Variants in NCKAP5 observed in about 807,000 individuals in gnomAD.
The protein encoded by NCKAP5 is NCK associated protein 5.
A neutral mutation model predicts 167.0 loss-of-function variants in NCKAP5; 92 were observed. The ratio of observed to expected loss-of-function variants is 0.55; its 90% confidence interval spans 0.47 to 0.66. The LOEUF is 0.66. Among genes scored for constraint, NCKAP5 ranks in the 30% least tolerant of loss-of-function variants. The pLI is 0.00. For synonymous variants in NCKAP5, 891 were observed against 877.4 expected, an observed-to-expected ratio of 1.02 and a Z score of -0.27; for missense variants, 2,378 against 2,315.0, an observed-to-expected ratio of 1.03 and a Z score of -0.56.
chr2:133,436,380 T>A (rs946472951), intron 3 of NCKAP5, among the ~76,000 whole-genome samples: 2 of 152,166 alleles, frequency 1.3e-5, no homozygotes, highest in African/African-American at 2.4e-5. Flanking sequence ...GACTCACACA[T>A]CTAGCTCATC....
intron 8 of NCKAP5, among the ~76,000 whole-genome samples, chr2:132,898,802 C>G (rs1156849040): frequency 6.6e-6 from 1 of 152,182 alleles, no homozygotes; most frequent in Non-Finnish European, 1.5e-5. Flanking sequence ...ATTCTGTGAA[C>G]CATGCTGTAA....
intron 8 of NCKAP5, among the ~76,000 whole-genome samples, chr2:132,893,448 A>G (rs898716832): frequency 1.6e-4 from 25 of 152,214 alleles, no homozygotes; most frequent in African/African-American, 5.8e-4. Flanking sequence ...TAATCAATTT[A>G]TATAATGGGA....
At chr2:133,201,208 T>C (rs546828074) in intron 5 of NCKAP5, among the ~76,000 whole-genome samples, 1 of 152,320 alleles carries the variant, frequency 6.6e-6, no homozygotes, top group African/African-American at 2.4e-5. Flanking sequence ...GACATAAGAA[T>C]GACTCACATC....
chr2:133,100,046 C>T (rs1426333355), intron 6 of NCKAP5, among the ~76,000 whole-genome samples: 6 of 152,164 alleles, frequency 3.9e-5, no homozygotes, highest in Non-Finnish European at 7.3e-5. Flanking sequence ...TGCTGAGGAT[C>T]TCCTCCTACC....
the NCKAP5 span, among the ~76,000 whole-genome samples, chr2:133,605,604 G>A: frequency 6.6e-6 from 1 of 152,162 alleles, no homozygotes; most frequent in Non-Finnish European, 1.5e-5. Flanking sequence ...TTTAGAAATG[G>A]TTGCAGGACA....
At chr2:133,152,078 G>A (rs1248241387) in intron 5 of NCKAP5, among the ~76,000 whole-genome samples, 3 of 152,158 alleles carry the variant, frequency 2.0e-5, no homozygotes, top group African/African-American at 7.2e-5. Flanking sequence ...AAATATGAAG[G>A]ATTATTGAGA....
At chr2:133,157,399 T>G (rs1169735775) in intron 5 of NCKAP5, among the ~76,000 whole-genome samples, 3 of 152,220 alleles carry the variant, frequency 2.0e-5, no homozygotes, top group Non-Finnish European at 4.4e-5. Flanking sequence ...CAGAGGGCAT[T>G]AATACGTAGA....
At chr2:133,056,782 G>A (rs1022524720) in intron 6 of NCKAP5, among the ~76,000 whole-genome samples, 1 of 152,126 alleles carries the variant, frequency 6.6e-6, no homozygotes, top group Non-Finnish European at 1.5e-5. Flanking sequence ...GATCATTCAG[G>A]CAATTTTGTT....
intron 11 of NCKAP5, among the ~76,000 whole-genome samples, chr2:132,855,052 C>T (rs1351438285): frequency 6.6e-6 from 1 of 152,096 alleles, no homozygotes; most frequent in African/African-American, 2.4e-5. Context: ...TGCCATAACC[C>T]TGATGATTCT....
intron 3 of NCKAP5, among the ~76,000 whole-genome samples, chr2:133,468,593 C>T (rs1313357540): frequency 6.6e-6 from 1 of 152,114 alleles, no homozygotes; most frequent in Non-Finnish European, 1.5e-5. Flanking sequence ...GTTGATCTGT[C>T]TAATGCTGAC....
chr2:133,588,417 CCCTT>C, the NCKAP5 span, among the ~76,000 whole-genome samples: 4 of 133,938 alleles, frequency 3.0e-5, no homozygotes, highest in African/African-American at 1.1e-4. Flanking sequence ...CTCCCTCCCA[CCCTT>C]CCTTCCTTCC....
intron 8 of NCKAP5, among the ~76,000 whole-genome samples, chr2:132,885,931 A>G (rs566094821): frequency 1.3e-5 from 2 of 152,250 alleles, no homozygotes; most frequent in South Asian, 4.2e-4. Context: ...CACCTCTTAT[A>G]CTTTGTCTCC....
intron 6 of NCKAP5, among the ~76,000 whole-genome samples, chr2:133,010,081 AAT>A (rs1201936592): frequency 7.3e-5 from 11 of 151,284 alleles, no homozygotes; most frequent in Non-Finnish European, 1.0e-4. Flanking sequence ...AAAAAAAAAA[AAT>A]AAATAAATAA....
At chr2:133,026,722 T>C (rs1485760434) in intron 6 of NCKAP5, among the ~76,000 whole-genome samples, 3 of 152,228 alleles carry the variant, frequency 2.0e-5, no homozygotes, top group South Asian at 2.1e-4. Flanking sequence ...GAACTATCCT[T>C]GGTGCTGGCC....
chr2:133,610,176 A>T, the NCKAP5 span, among the ~76,000 whole-genome samples: 1 of 152,200 alleles, frequency 6.6e-6, no homozygotes, highest in African/African-American at 2.4e-5. Context: ...TAATACCATG[A>T]GAAAGAACAC....
At chr2:132,963,613 G>T in intron 8 of NCKAP5, 107 bp downstream of exon 8, 1 of 1,163,738 alleles carries the variant, frequency 8.6e-7, no homozygotes. Flanking sequence ...TATTAGTCTG[G>T]GAGAACTCAA....
intron 3 of NCKAP5, among the ~76,000 whole-genome samples, chr2:133,339,257 T>C (rs907418511): frequency 2.6e-5 from 4 of 152,130 alleles, no homozygotes; most frequent in Admixed American, 2.6e-4. Context: ...AAGAATCTCC[T>C]AGAAATAATG....
intron 4 of NCKAP5, among the ~76,000 whole-genome samples, chr2:133,299,240 T>C (rs1349088939): frequency 6.6e-6 from 1 of 152,140 alleles, no homozygotes; most frequent in Non-Finnish European, 1.5e-5. Flanking sequence ...TATAGCACTT[T>C]ACCCAAGACC....
chr2:132,882,570 T>C (rs904984036), intron 8 of NCKAP5, among the ~76,000 whole-genome samples: 1 of 152,144 alleles, frequency 6.6e-6, no homozygotes, highest in Non-Finnish European at 1.5e-5. Context: ...AGAACAAAAG[T>C]ATAAAGTAAA....
Sources: allele counts gnomAD v4.1 joint callset (sites outside exome capture counted in the v4.1 genomes callset), GRCh38; gene constraint gnomAD v4.1.1; transcripts MANE v1.5; gene names NCBI Gene and HGNC (gene_info 2026-07-23, HGNC 2026-07-21).